The following ENO1 variants were observed in gnomAD, a reference collection of about 807,000 sequenced individuals.
The protein encoded by ENO1 is enolase 1, also known as alpha-enolase.
Under a neutral mutation model 46.3 loss-of-function variants are expected in ENO1, and 33 were observed. The observed-to-expected ratio is 0.71, with a 90% CI of 0.54 to 0.95. The LOEUF (loss-of-function observed/expected upper bound fraction) is 0.95, where lower values mean the gene tolerates loss of function less well. Ranked by LOEUF, ENO1 falls within the 40% of genes least tolerant of loss-of-function variation. The pLI is 0.00. For synonymous variants in ENO1, 220 were observed against 216.0 expected (o/e 1.02, Z -0.16); for missense variants, 488 against 553.3 (o/e 0.88, Z 1.18).
In ENO1 at chr1:8,867,210, G is replaced by A. The variant is rs759557009; in HGVS notation, c.351C>T (p.Ala117=). The A allele has an allele frequency of 6.8e-6, 11 of 1,614,180 alleles. No individual in the cohort carries two copies. The highest frequency in any genetic ancestry group is 1.7e-5 in the Admixed American group (1 of 60,028). Residue 117 remains alanine (A), a synonymous_variant, in exon 6 of 12, where the codon GCC becomes GCT. Transcript: ENST00000234590. ...TCTCAACGGCACCAGCTTTGCAGAC[G>A]GCAAGGGACACCCCCAGAATGGCGT... ...GANAILGVSL[A]VCKAGAVEKG... is the part of the protein sequence containing the mutation.
intron 3 of ENO1, chr1:8,871,061 A>G (rs1480989308): frequency 1.6e-6 from 2 of 1,229,624 alleles, no homozygotes; most frequent in Non-Finnish European, 1.0e-6. Context: ...ATCAAGGCAC[A>G]GCATCATCCT....
Position 8,863,368 on chromosome 1 carries a change from T to C in ENO1, c.1068-25A>G, listed in dbSNP as rs1642445135. On this transcript the variant is annotated intron_variant, in intron 9 of 11. Transcript: ENST00000234590. Reference sequence around the variant, plus strand: ...CCTGGAAGCCAAGGAACAACCCAGATGGCATGATCCCATTTTCTGGTTCCA... The same window carrying C: ...CCTGGAAGCCAAGGAACAACCCAGACGGCATGATCCCATTTTCTGGTTCCA... 1.9e-6 allele frequency: 3 copies of C among 1,601,408 alleles called. No homozygotes were observed. The East Asian group carries it at 6.7e-5, about 36-fold the overall frequency.
At chr1:8,862,966 T>G (rs1249029597) in intron 10 of ENO1, 21 bp from the exon 11 acceptor site, 1 of 1,613,784 alleles carries the variant, frequency 6.2e-7, no homozygotes, top group Admixed American at 1.7e-5. Context: ...AGAAAGGCCA[T>G]TTGCTTACAG....
At chr1:8,871,090 C>T (rs2274971) in intron 3 of ENO1, 336,791 of 1,214,274 alleles carry the variant, frequency 0.28, 51,660 homozygotes, top group East Asian at 0.77. Context: ...TAAGTCCCCA[C>T]GTACGCCATT....
At chr1:8,871,675 C>T (rs1194598537) in intron 3 of ENO1, 19 of 1,351,736 alleles carry the variant, frequency 1.4e-5, no homozygotes, top group East Asian at 8.2e-5. Context: ...TTGGAACTCT[C>T]GACCCAGAGC....
rs1302446112 is a variant in ENO1, at chr1:8,874,893, T to A, written c.16A>T (p.Ile6Phe). The A allele has an allele frequency of 1.9e-6, 3 of 1,613,832 alleles. No individual in the cohort carries two copies. Among genetic ancestry groups the A allele is most frequent in the Non-Finnish European group, 2.5e-6 (3 of 1,179,846 alleles). MSILK[I>F]HAREIFDSRG... ...GAGTCAAAGATCTCCCTGGCATGGA[T>A]CTTGAGAATAGACATGGTGAACTTC... The change falls in exon 2 of 12, where the codon ATC becomes TTC. Residue 6 changes from isoleucine (I) to phenylalanine (F), a missense_variant. Ile to Phe is a conservative substitution (Grantham distance 21). Transcript: ENST00000234590.
rs942353846 is a variant in ENO1, at chr1:8,865,616, A to C, written c.668-134T>G. On this transcript the variant is annotated intron_variant, in intron 7 of 11. Transcript: ENST00000234590. Reference sequence around the variant, plus strand: ...GGCCCCAACCAGTAGTTCTGACATCAGTTACTTTTTTTCTGCTTTGGGGCA... The same window carrying C: ...GGCCCCAACCAGTAGTTCTGACATCCGTTACTTTTTTTCTGCTTTGGGGCA... 3.6e-6 allele frequency: 3 copies of C among 841,710 alleles called. No homozygotes were observed. The African/African-American group carries it at 5.1e-5, about 14-fold the overall frequency. The allele number at this position is 841,710 out of a possible 1,614,324, so 52.1% of individuals were successfully genotyped here. A position where few individuals can be genotyped will look rare whatever the true frequency, so the allele number is the denominator to read the frequency against.
chr1:8,862,177 A>G (rs984361861), intron 11 of ENO1, among the ~76,000 whole-genome samples: 8 of 151,852 alleles, frequency 5.3e-5, no homozygotes, highest in African/African-American at 1.9e-4. Flanking sequence ...CCCCAGCAAA[A>G]AAAGAATGGG....
In ENO1 at chr1:8,868,436, C is replaced by T. The variant is rs28999077; in HGVS notation, c.241-379G>A. Among the ~76,000 whole-genome samples the T allele has an allele frequency of 3.9e-3, 591 of 152,268 alleles. 1 individual carries two copies. The highest frequency in any genetic ancestry group is 0.013 in the African/African-American group (554 of 41,548). On this transcript the variant is annotated intron_variant, in intron 4 of 11. Coordinates refer to ENST00000234590, the MANE Select transcript of ENO1 (RefSeq NM_001428.5). ...TTTCATAGGCAATAAATAAGCAAAG[C>T]TCACTGTTCACTCAAGCAGGCTGAG...
chr1:8,863,279 CTT>C lies in ENO1; in HGVS notation c.1130_1131del (p.Glu377GlyfsTer6), dbSNP rs763965291. 6.2e-7 allele frequency: 1 copy of C among 1,614,172 alleles called. No homozygotes were observed. The highest frequency in any genetic ancestry group is 2.2e-5 in the East Asian group (1 of 44,876). ...ACAACCAGGTCAGCGATGAAGGTATCTTCAGTCTCCCCCGAACGATGAGACAC... is the reference window on the plus strand; with the variant it reads ...ACAACCAGGTCAGCGATGAAGGTATCCAGTCTCCCCCGAACGATGAGACAC... ...VMVSHRSGET[E>X]DTFIADLVVG... On this transcript the variant is annotated frameshift_variant, in exon 10 of 12. Transcript: ENST00000234590. LOFTEE classifies it high-confidence loss of function.
intron 2 of ENO1, 151 bp downstream of exon 2, chr1:8,874,673 T>TCA: frequency 2.4e-6 from 1 of 411,580 alleles, no homozygotes; most frequent in South Asian, 4.0e-5. Context: ...TCCCCAACCC[T>TCA]CACAGTCAGG....
intron 3 of ENO1, chr1:8,871,358 G>A (rs1642629371): frequency 2.0e-6 from 2 of 992,176 alleles, no homozygotes; most frequent in Non-Finnish European, 2.4e-6. Context: ...CACACACTAA[G>A]TCAATTTGAA....
At chr1:8,865,605 G>T in intron 7 of ENO1, 123 bp from the exon 8 acceptor site, 1 of 897,976 alleles carries the variant, frequency 1.1e-6, no homozygotes, top group Non-Finnish European at 1.7e-6. Flanking sequence ...CCAACCAGTA[G>T]TTCTGACATC....
At chr1:8,869,060 TA>T (rs950122174) in intron 4 of ENO1, among the ~76,000 whole-genome samples, 1 of 152,096 alleles carries the variant, frequency 6.6e-6, no homozygotes, top group African/African-American at 2.4e-5. Context: ...GTGCTTGATA[TA>T]AAAAAATATG....
chr1:8,873,952 A>G (rs1308828816), intron 2 of ENO1: 3 of 152,134 alleles, frequency 2.0e-5, no homozygotes, highest in African/African-American at 4.8e-5. Flanking sequence ...CAATTCTCTA[A>G]TTTTTCATAA....
At chr1:8,862,289 G>A (rs868286592) in intron 11 of ENO1, among the ~76,000 whole-genome samples, 20 of 151,924 alleles carry the variant, frequency 1.3e-4, no homozygotes, top group Middle Eastern at 3.4e-3. Context: ...AAAGCCCTGC[G>A]TCTACTGTTC....
chr1:8,876,817 C>T (rs1228618495), intron 1 of ENO1, among the ~76,000 whole-genome samples: 1 of 150,600 alleles, frequency 6.6e-6, no homozygotes, highest in African/African-American at 2.4e-5. Context: ...AAAAGACAAA[C>T]GTCTTAGGAT....
intron 1 of ENO1, chr1:8,877,360 C>G (rs1410927646): frequency 1.3e-5 from 2 of 151,830 alleles, no homozygotes; most frequent in Admixed American, 1.3e-4. Flanking sequence ...TCCCAAAGTG[C>G]TCGGATTACA....
intron 2 of ENO1, among the ~76,000 whole-genome samples, chr1:8,873,364 G>A (rs1642671163): frequency 6.6e-6 from 1 of 152,172 alleles, no homozygotes; most frequent in Non-Finnish European, 1.5e-5. Flanking sequence ...GAGATGAAAG[G>A]TTCTGAGCAA....
Sources: allele counts gnomAD v4.1 joint callset (sites outside exome capture counted in the v4.1 genomes callset), GRCh38; gene constraint gnomAD v4.1.1; transcripts MANE v1.5; gene names NCBI Gene and HGNC (gene_info 2026-07-23, HGNC 2026-07-21).